DLG2: variants seen among roughly 807,000 people sequenced by gnomAD.
DLG2 encodes disks large homolog 2.
Under a neutral mutation model 132.5 loss-of-function variants are expected in DLG2, and 45 were observed. The observed-to-expected ratio is 0.34, with a 90% CI of 0.27 to 0.44. The LOEUF is 0.44. DLG2 is among the 20% of genes least tolerant of loss of function. The pLI is 1.00. For synonymous variants in DLG2, 424 were observed against 419.6 expected (o/e 1.01, Z -0.13); for missense variants, 1,045 against 1,196.9 (o/e 0.87, Z 1.87).
chr11:85,321,835 G>A (rs1357467450), intron 3 of DLG2, among the ~76,000 whole-genome samples: 3 of 152,178 alleles, frequency 2.0e-5, no homozygotes, highest in Middle Eastern at 3.4e-3. Flanking sequence ...TGGTCAGCAA[G>A]AAGAGTAAGT....
intron 6 of DLG2, among the ~76,000 whole-genome samples, chr11:85,013,610 A>G (rs555633475): frequency 2.0e-5 from 3 of 152,320 alleles, no homozygotes; most frequent in African/African-American, 4.8e-5. Context: ...TCTAAATAAT[A>G]AATAACAGGC....
At chr11:83,663,950 A>G (rs550554148) in intron 18 of DLG2, among the ~76,000 whole-genome samples, 7 of 152,200 alleles carry the variant, frequency 4.6e-5, no homozygotes, top group Non-Finnish European at 7.4e-5. Flanking sequence ...CACATTTGGA[A>G]TCAAACTGAT....
intron 6 of DLG2, among the ~76,000 whole-genome samples, chr11:84,566,020 A>G (rs2099453599): frequency 6.8e-6 from 1 of 146,812 alleles, no homozygotes; most frequent in Non-Finnish European, 1.5e-5. Flanking sequence ...GTGCAGTGGC[A>G]TTATCTCTGC....
At chr11:85,251,268 T>C (rs1416880037) in intron 4 of DLG2, among the ~76,000 whole-genome samples, 1 of 152,222 alleles carries the variant, frequency 6.6e-6, no homozygotes, top group Non-Finnish European at 1.5e-5. Flanking sequence ...AAACATGTAA[T>C]ATTGTAAGCA....
chr11:85,369,130 G>A (rs536376247), intron 3 of DLG2, among the ~76,000 whole-genome samples: 29 of 151,850 alleles, frequency 1.9e-4, no homozygotes, highest in Non-Finnish European at 2.9e-4. Context: ...GAAACAAGCC[G>A]CCAAGCCCTG....
chr11:84,019,186 A>T (rs879738181), intron 11 of DLG2, among the ~76,000 whole-genome samples: 1 of 152,100 alleles, frequency 6.6e-6, no homozygotes, highest in African/African-American at 2.4e-5. Flanking sequence ...AAAAATGCAT[A>T]CACAATATGC....
chr11:83,930,246 G>A, intron 15 of DLG2, 82 bp downstream of exon 15: 7 of 1,492,370 alleles, frequency 4.7e-6, no homozygotes, highest in Non-Finnish European at 5.5e-6. Context: ...CAAGAGAAGT[G>A]AGCAGAGGCG....
chr11:85,115,293 T>C lies in DLG2; in HGVS notation c.283-3558A>G, dbSNP rs145681823. ...CAACCTTTTAGGAGATACAATACAA[T>C]GTGCTGAGTTTAAAACAGGGTTAAA... On this transcript the variant is annotated intron_variant, in intron 5 of 27. Coordinates refer to ENST00000376104, the MANE Select transcript of DLG2 (RefSeq NM_001142699.3). Among the ~76,000 whole-genome samples the C allele has an allele frequency of 1.4e-4, 21 of 152,070 alleles. No homozygotes were observed. In the East Asian group the frequency reaches 3.7e-3, roughly 27 times the overall value.
At chr11:84,975,469 C>T (rs760205800) in intron 6 of DLG2, among the ~76,000 whole-genome samples, 1 of 152,162 alleles carries the variant, frequency 6.6e-6, no homozygotes, top group Admixed American at 6.6e-5. Context: ...ATGCCCAGTA[C>T]TTCAAGACAC....
At chr11:84,842,097 T>A (rs1036134703) in intron 6 of DLG2, among the ~76,000 whole-genome samples, 2 of 152,034 alleles carry the variant, frequency 1.3e-5, no homozygotes, top group Non-Finnish European at 2.9e-5. Context: ...TAACACATCA[T>A]CCCTTCCTTT....
chr11:83,897,453 C>A (rs1057182937), intron 15 of DLG2, among the ~76,000 whole-genome samples: 1 of 152,160 alleles, frequency 6.6e-6, no homozygotes, highest in Non-Finnish European at 1.5e-5. Context: ...AGAAAACTAC[C>A]AGGACCCAAA....
chr11:84,529,591 G>C (rs1468515417), intron 7 of DLG2, among the ~76,000 whole-genome samples: 2 of 152,100 alleles, frequency 1.3e-5, no homozygotes, highest in Non-Finnish European at 2.9e-5. Context: ...AACCATGGAG[G>C]TAAAAGATCT....
At chr11:84,753,815 T>G (rs184896796) in intron 6 of DLG2, among the ~76,000 whole-genome samples, 1 of 152,162 alleles carries the variant, frequency 6.6e-6, no homozygotes, top group Admixed American at 6.5e-5. Flanking sequence ...AAAAGTCAAA[T>G]AGATTGAGAA....
chr11:85,602,320 C>T (rs1591202841), intron 2 of DLG2, among the ~76,000 whole-genome samples: 1 of 152,224 alleles, frequency 6.6e-6, no homozygotes, highest in Non-Finnish European at 1.5e-5. Context: ...CATCATCTAT[C>T]CCCTACATTA....
chr11:84,877,309 T>C (rs78277906), intron 6 of DLG2, among the ~76,000 whole-genome samples: 1 of 152,036 alleles, frequency 6.6e-6, no homozygotes, highest in South Asian at 2.1e-4. Context: ...AATATTATTG[T>C]GTGGGAGTGT....
At chr11:84,166,318 A>G (rs550799994) in intron 8 of DLG2, among the ~76,000 whole-genome samples, 2 of 152,176 alleles carry the variant, frequency 1.3e-5, no homozygotes, top group East Asian at 1.9e-4. Flanking sequence ...CCTGGCCAAC[A>G]TGGTGAAACC....
intron 7 of DLG2, among the ~76,000 whole-genome samples, chr11:84,502,403 T>C (rs1199928264): frequency 9.4e-6 from 1 of 105,886 alleles, no homozygotes; most frequent in Non-Finnish European, 1.9e-5. Flanking sequence ...TCTTTCTTTC[T>C]TTCTTTCTTT....
At chr11:83,618,806 C>A (rs150025018) in intron 19 of DLG2, among the ~76,000 whole-genome samples, 137 of 152,240 alleles carry the variant, frequency 9.0e-4, no homozygotes, top group African/African-American at 3.0e-3. Context: ...TACAGCTTTG[C>A]TTTTGGAACC....
At chr11:84,407,819 C>A (rs1490104453) in intron 7 of DLG2, among the ~76,000 whole-genome samples, 2 of 152,196 alleles carry the variant, frequency 1.3e-5, no homozygotes, top group East Asian at 3.9e-4. Flanking sequence ...AGAGCCCAGG[C>A]TTCCTGTGTC....
Sources: allele counts gnomAD v4.1 joint callset (sites outside exome capture counted in the v4.1 genomes callset), GRCh38; gene constraint gnomAD v4.1.1; transcripts MANE v1.5; gene names NCBI Gene and HGNC (gene_info 2026-07-23, HGNC 2026-07-21).